The following EMCN variants were observed in gnomAD, a reference collection of about 807,000 sequenced individuals.
EMCN encodes MUC-14.
A neutral mutation model predicts 38.4 loss-of-function variants in EMCN; 37 were observed. The observed-to-expected ratio is 0.96, with a 90% CI of 0.74 to 1.27. EMCN has a LOEUF of 1.27. EMCN is among the 50% of genes most tolerant of loss of function. The probability of loss-of-function intolerance (pLI) is 0.00; values close to 1 mark genes in which losing one functional copy is unlikely to be tolerated. For missense variants in EMCN, 318 were observed against 302.8 expected (o/e 1.05, Z -0.37); for synonymous variants, 95 against 100.8 (o/e 0.94, Z 0.35).
At chr4:100,435,882 A>G (rs1727339310) in intron 5 of EMCN, among the ~76,000 whole-genome samples, 1 of 152,224 alleles carries the variant, frequency 6.6e-6, no homozygotes, top group African/African-American at 2.4e-5. Context: ...TTAACTCAAG[A>G]TGGATTAAAG....
intron 11 of EMCN, among the ~76,000 whole-genome samples, chr4:100,404,832 C>G (rs1726349710): frequency 1.3e-5 from 2 of 151,984 alleles, no homozygotes; most frequent in Non-Finnish European, 2.9e-5. Flanking sequence ...AATATTGATT[C>G]TTCCAATCCA....
chr4:100,445,987 A>G (rs1727661190), intron 5 of EMCN: 1 of 855,208 alleles, frequency 1.2e-6, no homozygotes, highest in South Asian at 5.3e-5. Flanking sequence ...CTTTTGTTCC[A>G]CAAAAATCAA....
At chr4:100,453,728 T>C (rs939324695) in intron 4 of EMCN, among the ~76,000 whole-genome samples, 1 of 152,094 alleles carries the variant, frequency 6.6e-6, no homozygotes, top group Non-Finnish European at 1.5e-5. Flanking sequence ...CACACGTATG[T>C]TTATTGTGGC....
At chr4:100,443,075 C>G (rs1727567602) in intron 5 of EMCN, among the ~76,000 whole-genome samples, 1 of 152,184 alleles carries the variant, frequency 6.6e-6, no homozygotes, top group Admixed American at 6.5e-5. Context: ...GTTTTGAACT[C>G]CTGACTTCAA....
At chr4:100,495,489 G>A (rs1729186301) in intron 1 of EMCN, among the ~76,000 whole-genome samples, 1 of 152,056 alleles carries the variant, frequency 6.6e-6, no homozygotes, top group Non-Finnish European at 1.5e-5. Context: ...TTTCCTAAAT[G>A]TGAAGACTAC....
chr4:100,484,804 T>C (rs749082036), intron 1 of EMCN, among the ~76,000 whole-genome samples: 3 of 152,184 alleles, frequency 2.0e-5, no homozygotes, highest in Admixed American at 6.6e-5. Context: ...TTGCATTTTC[T>C]AGCTTAGAAA....
intron 1 of EMCN, among the ~76,000 whole-genome samples, chr4:100,488,126 C>T (rs1728987234): frequency 6.6e-6 from 1 of 152,178 alleles, no homozygotes; most frequent in Non-Finnish European, 1.5e-5. Context: ...GCTGGGCCTC[C>T]ATTTTTTCAT....
At chr4:100,491,681 C>T (rs1424643676) in intron 1 of EMCN, among the ~76,000 whole-genome samples, 6 of 152,174 alleles carry the variant, frequency 3.9e-5, no homozygotes, top group Admixed American at 1.3e-4. Flanking sequence ...TGTAACCTGG[C>T]CCAACATGAG....
Position 100,415,880 on chromosome 4 carries a change from A to G in EMCN, c.751+18T>C, listed in dbSNP as rs771048346. ...AAAATAACTAATTTTCATCTAATCA[A>G]CTTGTCTGGAAACTTACCAGACTCA... is the stretch of plus-strand genomic sequence containing the variant. On this transcript the variant is annotated intron_variant, in intron 10 of 11. Coordinates refer to ENST00000296420, the MANE Select transcript of EMCN (RefSeq NM_016242.4). The G allele has an allele frequency of 1.9e-6, 3 of 1,545,800 alleles. No individual in the cohort carries two copies. Among genetic ancestry groups the G allele is most frequent in the Non-Finnish European group, 8.8e-7 (1 of 1,139,348 alleles).
chr4:100,486,475 A>C (rs1728945189), intron 1 of EMCN, among the ~76,000 whole-genome samples: 1 of 152,274 alleles, frequency 6.6e-6, no homozygotes, highest in South Asian at 2.1e-4. Flanking sequence ...TTTTCAATTA[A>C]AGCTAAAAAG....
At chr4:100,480,133 T>C in intron 1 of EMCN, 94 bp from the exon 2 acceptor site, 1 of 1,098,830 alleles carries the variant, frequency 9.1e-7, no homozygotes, top group Non-Finnish European at 1.3e-6. Flanking sequence ...CAGTAGAATG[T>C]GAATTTGCAA....
intron 8 of EMCN, among the ~76,000 whole-genome samples, chr4:100,417,442 C>A (rs1726767290): frequency 6.6e-6 from 1 of 152,046 alleles, no homozygotes; most frequent in African/African-American, 2.4e-5. Context: ...TTGCATATCC[C>A]ATGGACAACA....
At chr4:100,422,566 T>C (rs1204198844) in intron 7 of EMCN, among the ~76,000 whole-genome samples, 1 of 151,888 alleles carries the variant, frequency 6.6e-6, no homozygotes, top group Non-Finnish European at 1.5e-5. Context: ...AAACAATTCA[T>C]TTTTTGATAT....
intron 11 of EMCN, among the ~76,000 whole-genome samples, chr4:100,407,537 G>A (rs891497732): frequency 2.0e-5 from 3 of 152,162 alleles, no homozygotes; most frequent in Non-Finnish European, 1.5e-5. Flanking sequence ...TAAGGATGCT[G>A]AATATAGGCC....
chr4:100,425,915 G>T (rs139688322), intron 5 of EMCN, among the ~76,000 whole-genome samples: 15 of 152,158 alleles, frequency 9.9e-5, no homozygotes, highest in Admixed American at 9.8e-4. Context: ...CTGACTTTTG[G>T]TGATTGTTAT....
chr4:100,517,560 A>C (rs930211501), intron 1 of EMCN, among the ~76,000 whole-genome samples: 1 of 152,078 alleles, frequency 6.6e-6, no homozygotes, highest in Non-Finnish European at 1.5e-5. Flanking sequence ...CCAGCATTCT[A>C]TTCCCAGATT....
At chr4:100,434,979 CCT>C (rs1047506351) in intron 5 of EMCN, among the ~76,000 whole-genome samples, 5 of 152,144 alleles carry the variant, frequency 3.3e-5, no homozygotes, top group Admixed American at 3.3e-4. Context: ...ACAAGGATCC[CCT>C]CTTTTACCAC....
intron 10 of EMCN, among the ~76,000 whole-genome samples, chr4:100,411,621 C>A (rs1263195869): frequency 6.6e-6 from 1 of 151,754 alleles, no homozygotes; most frequent in Non-Finnish European, 1.5e-5. Flanking sequence ...ATATCAAATA[C>A]CAGTAGTGGT....
chr4:100,497,273 C>T (rs1729232703), intron 1 of EMCN, among the ~76,000 whole-genome samples: 1 of 148,218 alleles, frequency 6.7e-6, no homozygotes, highest in African/African-American at 2.5e-5. Flanking sequence ...ACTAGATTAA[C>T]CTATGAGCCA....
Sources: gnomAD v4.1 joint callset for allele counts (sites outside exome capture counted in the v4.1 genomes callset) on GRCh38, gnomAD v4.1.1 for gene constraint, MANE v1.5 for transcripts, NCBI Gene and HGNC (gene_info 2026-07-23, HGNC 2026-07-21) for gene names.